The following MYRIP variants were observed in gnomAD, a reference collection of about 807,000 sequenced individuals.
The protein encoded by MYRIP is myosin VIIA and Rab interacting protein.
MYRIP carries 49 observed loss-of-function variants against 98.0 expected under a neutral mutation model. That is an observed-to-expected ratio of 0.50 (90% CI 0.40 to 0.63). The LOEUF (loss-of-function observed/expected upper bound fraction) is 0.63, where lower values mean the gene tolerates loss of function less well. Among genes scored for constraint, MYRIP ranks in the 30% least tolerant of loss-of-function variants. MYRIP has a pLI of 0.00. For synonymous variants in MYRIP, 404 were observed against 409.5 expected, an observed-to-expected ratio of 0.99 and a Z score of 0.16; for missense variants, 1,004 against 1,058.2, an observed-to-expected ratio of 0.95 and a Z score of 0.71.
Position 40,189,969 on chromosome 3 carries a change from G to C in MYRIP, c.1171G>C (p.Asp391His). ...EVASSVASAY[D>H]EMGSDSEEDF... ...GGCCTCCAGTGTGGCATCTGCCTAC[G>C]ATGAGATGGGCTCCGATAGCGAGGA... The change falls in exon 10 of 17, where the codon GAT (aspartate) becomes CAT (histidine). Residue 391 changes from aspartate to histidine, a missense_variant. Asp to His is a moderately conservative substitution (Grantham distance 81). Coordinates refer to ENST00000302541, the MANE Select transcript of MYRIP (RefSeq NM_015460.4). 1 of 1,614,118 alleles carries C rather than the reference G, an allele frequency of 6.2e-7. No homozygotes were observed. Among genetic ancestry groups the C allele is most frequent in the Non-Finnish European group, 8.5e-7 (1 of 1,180,036 alleles).
intron 1 of MYRIP, among the ~76,000 whole-genome samples, chr3:39,900,184 C>G (rs1943710743): frequency 6.6e-6 from 1 of 152,114 alleles, no homozygotes; most frequent in Non-Finnish European, 1.5e-5. Context: ...AGAGGTGTTT[C>G]CCTACAATAT....
At chr3:39,842,732 C>T (rs574556194) in intron 1 of MYRIP, among the ~76,000 whole-genome samples, 9 of 151,794 alleles carry the variant, frequency 5.9e-5, no homozygotes, top group Non-Finnish European at 8.8e-5. Flanking sequence ...TGACCCCTTG[C>T]GCTTCCCAGG....
At chr3:39,879,434 G>C (rs1943104740) in intron 1 of MYRIP, among the ~76,000 whole-genome samples, 1 of 151,328 alleles carries the variant, frequency 6.6e-6, no homozygotes, top group South Asian at 2.1e-4. Flanking sequence ...ATTGAACATT[G>C]TGGAGGATAT....
intron 2 of MYRIP, among the ~76,000 whole-genome samples, chr3:40,011,136 G>C (rs1946752105): frequency 6.6e-6 from 1 of 152,128 alleles, no homozygotes; most frequent in Non-Finnish European, 1.5e-5. Flanking sequence ...CAAGATGGGG[G>C]AGAAAAGGCA....
chr3:39,824,918 A>G (rs1366043317), intron 1 of MYRIP, among the ~76,000 whole-genome samples: 1 of 152,076 alleles, frequency 6.6e-6, no homozygotes, highest in African/African-American at 2.4e-5. Context: ...AGGTCCAACT[A>G]TGTGGCCCAG....
chr3:40,154,136 C>G, intron 4 of MYRIP, among the ~76,000 whole-genome samples: 1 of 122,786 alleles, frequency 8.1e-6, no homozygotes, highest in East Asian at 2.0e-4. Context: ...GAGATTCCGT[C>G]TCAAAAAAAA....
intron 1 of MYRIP, among the ~76,000 whole-genome samples, chr3:39,852,530 A>G (rs547424651): frequency 2.0e-5 from 3 of 150,230 alleles, no homozygotes; most frequent in East Asian, 3.9e-4. Flanking sequence ...CTTTTATTTC[A>G]TCACCCCACT....
intron 1 of MYRIP, among the ~76,000 whole-genome samples, chr3:39,867,485 A>AAT (rs1942659636): frequency 6.6e-6 from 1 of 151,676 alleles, no homozygotes; most frequent in Non-Finnish European, 1.5e-5. Flanking sequence ...AAAAGCTCAC[A>AAT]AATCCCATTT....
At position 40,259,398 on chromosome 3, in the gene MYRIP, G is replaced by C. The variant is rs374414765; in HGVS notation, c.*1232G>C. ...GTAAAAGAAAGGAGGCAAGAGAATA[G>C]TTATGATGAATATGTGTTAAGTGCC... On this transcript the variant is annotated 3_prime_UTR_variant, in exon 17 of 17. Transcript: ENST00000302541. The C allele has an allele frequency of 1.3e-5, 2 of 152,322 alleles. No individual in the cohort carries two copies. Among genetic ancestry groups the C allele is most frequent in the African/African-American group, 4.8e-5 (2 of 41,574 alleles). The allele number at this position is 152,322 out of a possible 1,614,324, so 9.4% of individuals were successfully genotyped here.
intron 2 of MYRIP, among the ~76,000 whole-genome samples, chr3:40,037,340 T>C (rs765956886): frequency 5.3e-5 from 8 of 152,046 alleles, no homozygotes; most frequent in Non-Finnish European, 1.2e-4. Context: ...TGTGAGCAAA[T>C]TGCAAGGGAG....
chr3:39,959,792 T>C lies in MYRIP; in HGVS notation c.110+58866T>C, dbSNP rs867878756. On this transcript the variant is annotated intron_variant, in intron 2 of 16. Transcript: ENST00000302541. ...ATCAATTCAATATAATTAAATATTGTGTAACATATGTTGAATAACCGAAGC... is the reference window on the plus strand; with the variant it reads ...ATCAATTCAATATAATTAAATATTGCGTAACATATGTTGAATAACCGAAGC... Among the ~76,000 whole-genome samples the C allele has an allele frequency of 3.9e-4, 60 of 152,204 alleles. No individual in the cohort carries two copies. In the Middle Eastern group the frequency reaches 0.02, roughly 52 times the overall value.
At chr3:40,065,567 T>C (rs957241701) in intron 3 of MYRIP, among the ~76,000 whole-genome samples, 8 of 152,176 alleles carry the variant, frequency 5.3e-5, no homozygotes, top group Admixed American at 1.3e-4. Context: ...GGAATTGGCA[T>C]TGGTGTGACT....
chr3:40,079,573 CGTT>C (rs1161985815), intron 3 of MYRIP, among the ~76,000 whole-genome samples: 4 of 152,196 alleles, frequency 2.6e-5, no homozygotes, highest in African/African-American at 9.7e-5. Context: ...GACTTTTCCT[CGTT>C]GTACACAAGA....
intron 1 of MYRIP, among the ~76,000 whole-genome samples, chr3:39,860,610 A>G (rs1942439062): frequency 6.6e-6 from 1 of 152,152 alleles, no homozygotes; most frequent in Admixed American, 6.5e-5. Context: ...GGTGTCTCCC[A>G]GAAGCCCACA....
intron 1 of MYRIP, among the ~76,000 whole-genome samples, chr3:39,830,614 C>T (rs774553097): frequency 3.3e-5 from 5 of 152,264 alleles, no homozygotes; most frequent in South Asian, 2.1e-4. Context: ...TATGAAATGT[C>T]GCTCCACTCC....
chr3:40,001,979 A>G (rs1184443305), intron 2 of MYRIP, among the ~76,000 whole-genome samples: 1 of 152,224 alleles, frequency 6.6e-6, no homozygotes, highest in East Asian at 1.9e-4. Flanking sequence ...AGGTGATACC[A>G]GGTCCTCAGA....
chr3:39,829,541 G>T (rs545312092), intron 1 of MYRIP, among the ~76,000 whole-genome samples: 1 of 152,242 alleles, frequency 6.6e-6, no homozygotes, highest in South Asian at 2.1e-4. Context: ...GCTGTGAGAG[G>T]TTGTGGTGAT....
chr3:39,928,584 G>T (rs940306263), intron 2 of MYRIP, among the ~76,000 whole-genome samples: 3 of 150,700 alleles, frequency 2.0e-5, no homozygotes, highest in Admixed American at 6.6e-5. Context: ...AAAATTATGT[G>T]ATCATATCAA....
intron 1 of MYRIP, among the ~76,000 whole-genome samples, chr3:39,885,380 G>C (rs1323495547): frequency 1.3e-5 from 2 of 152,120 alleles, no homozygotes; most frequent in East Asian, 1.9e-4. Flanking sequence ...TTAGTCTGAT[G>C]GGCTTCCCTT....
Sources: allele counts gnomAD v4.1 joint callset (sites outside exome capture counted in the v4.1 genomes callset), GRCh38; gene constraint gnomAD v4.1.1; transcripts MANE v1.5; gene names NCBI Gene and HGNC (gene_info 2026-07-23, HGNC 2026-07-21).